PITPNC1: variants seen among roughly 807,000 people sequenced by gnomAD.
PITPNC1 encodes phosphatidylinositol transfer protein cytoplasmic 1.
In PITPNC1, 18 loss-of-function variants were observed where a neutral mutation model predicts 44.7. The ratio of observed to expected loss-of-function variants is 0.40; its 90% CI spans 0.28 to 0.60. The LOEUF is 0.60. PITPNC1 is among the 20% of genes least tolerant of loss of function. The pLI, the probability that PITPNC1 is intolerant of heterozygous loss-of-function variation, is 0.39. For missense variants in PITPNC1, 290 were observed against 418.4 expected, an observed-to-expected ratio of 0.69 and a Z score of 2.68; for synonymous variants, 141 against 149.6, an observed-to-expected ratio of 0.94 and a Z score of 0.42.
chr17:67,627,659 G>A (rs200841446), intron 5 of PITPNC1, among the ~76,000 whole-genome samples: 11 of 152,262 alleles, frequency 7.2e-5, no homozygotes, highest in East Asian at 5.8e-4. Flanking sequence ...TTATCTTAGC[G>A]GTTGGATGCT....
At position 67,435,767 on chromosome 17, in the gene PITPNC1, G is replaced by A. The variant is rs918865220; in HGVS notation, c.48+57565G>A. 2.5e-4 allele frequency among the ~76,000 whole-genome samples: 38 copies of A among 152,060 alleles called. 1 individual carries two copies. The highest frequency in any genetic ancestry group is 1.2e-4 in the Non-Finnish European group (8 of 67,994). ...CTCAGGAGGCTGAGGCAGGAGAATCGCTTGAACCTGGGAGGAGGAGGTTGC... is the reference window on the plus strand; with the variant it reads ...CTCAGGAGGCTGAGGCAGGAGAATCACTTGAACCTGGGAGGAGGAGGTTGC... On this transcript the variant is annotated intron_variant, in intron 1 of 8. Coordinates refer to ENST00000581322, the MANE Select transcript of PITPNC1 (RefSeq NM_012417.4).
intron 2 of PITPNC1, among the ~76,000 whole-genome samples, chr17:67,537,900 A>G (rs1477874042): frequency 6.6e-6 from 1 of 151,832 alleles, no homozygotes; most frequent in Non-Finnish European, 1.5e-5. Flanking sequence ...TGAACCCGCT[A>G]GGTGGTGGTT....
At chr17:67,447,193 T>C (rs1390215002) in intron 1 of PITPNC1, among the ~76,000 whole-genome samples, 1 of 150,572 alleles carries the variant, frequency 6.6e-6, no homozygotes, top group Non-Finnish European at 1.5e-5. Flanking sequence ...AACCTGGAGA[T>C]TCACTCCTTA....
At chr17:67,632,569 CTTT>C in intron 6 of PITPNC1, 10 of 146,292 alleles carry the variant, frequency 6.8e-5, no homozygotes, top group East Asian at 1.7e-4. Flanking sequence ...TACATGCGCT[CTTT>C]TTTTTTTTTT....
intron 1 of PITPNC1, chr17:67,471,535 T>C: frequency 2.7e-6 from 1 of 375,094 alleles, no homozygotes; most frequent in South Asian, 2.0e-5. Flanking sequence ...GCCATTACTT[T>C]CAATGGCAAA....
chr17:67,621,929 C>T (rs2041834868), intron 5 of PITPNC1, among the ~76,000 whole-genome samples: 1 of 152,034 alleles, frequency 6.6e-6, no homozygotes, highest in South Asian at 2.1e-4. Context: ...CGCACCTGGG[C>T]AATGTAGCAA....
intron 4 of PITPNC1, among the ~76,000 whole-genome samples, chr17:67,575,874 C>CCTTTTTTT (rs777390217): frequency 4.3e-4 from 8 of 18,556 alleles, no homozygotes; most frequent in African/African-American, 8.9e-4. Context: ...TTCTTTCTTT[C>CCTTTTTTT]TTTCCTTTTT....
intron 1 of PITPNC1, among the ~76,000 whole-genome samples, chr17:67,414,288 C>T (rs2038553644): frequency 6.6e-6 from 1 of 152,156 alleles, no homozygotes; most frequent in African/African-American, 2.4e-5. Flanking sequence ...AACCTGGAAA[C>T]AATCCAGATG....
chr17:67,450,230 G>A (rs2949946), intron 1 of PITPNC1, among the ~76,000 whole-genome samples: 83,498 of 151,978 alleles, frequency 0.55, 23,659 homozygotes, highest in Non-Finnish European at 0.61. Context: ...ACAATGGGCT[G>A]TGTGAATGCA....
At chr17:67,398,410 A>G (rs1167795723) in intron 1 of PITPNC1, among the ~76,000 whole-genome samples, 3 of 152,022 alleles carry the variant, frequency 2.0e-5, no homozygotes, top group Non-Finnish European at 4.4e-5. Context: ...AGAAGTGGTA[A>G]TCGGTTGGCA....
intron 1 of PITPNC1, among the ~76,000 whole-genome samples, chr17:67,439,895 AAAAC>A (rs201479890): frequency 0.011 from 1,736 of 152,310 alleles, 33 homozygotes; most frequent in African/African-American, 0.037. Flanking sequence ...AAGATAAAGA[AAAAC>A]AAACAAACAA....
chr17:67,448,672 C>T (rs2039134646), intron 1 of PITPNC1, among the ~76,000 whole-genome samples: 1 of 152,194 alleles, frequency 6.6e-6, no homozygotes, highest in African/African-American at 2.4e-5. Flanking sequence ...CCTGTGGGCT[C>T]TTATCTTCTG....
chr17:67,512,523 A>C (rs925254586), intron 1 of PITPNC1, among the ~76,000 whole-genome samples: 1 of 151,266 alleles, frequency 6.6e-6, no homozygotes, highest in Non-Finnish European at 1.5e-5. Context: ...AAAAAAAAAA[A>C]CAGCTGGACT....
At chr17:67,682,165 C>T (rs1175952210) in intron 8 of PITPNC1, among the ~76,000 whole-genome samples, 5 of 152,102 alleles carry the variant, frequency 3.3e-5, no homozygotes. Context: ...GGCGCCACTG[C>T]ACTCCAGCCT....
chr17:67,472,837 G>T (rs1455475982), intron 1 of PITPNC1, among the ~76,000 whole-genome samples: 1 of 151,948 alleles, frequency 6.6e-6, no homozygotes, highest in Non-Finnish European at 1.5e-5. Flanking sequence ...GGGTTTCAAA[G>T]AATTTGTGGA....
Position 67,532,935 on chromosome 17 carries a change from G to A in PITPNC1, c.182G>A (p.Arg61Gln), listed in dbSNP as rs1273181315. 5 of 1,609,956 alleles carry A rather than the reference G, an allele frequency of 3.1e-6. No individual in the cohort carries two copies. Among genetic ancestry groups the A allele is most frequent in the Middle Eastern group, 3.8e-4 (2 of 5,240 alleles). The change falls in exon 2 of 9, where the codon CGG becomes CAG. Residue 61 changes from arginine to glutamine, a missense_variant. Coordinates refer to ENST00000581322, the MANE Select transcript of PITPNC1 (RefSeq NM_012417.4). ...HHGNGQFTEKRVYLNSKLPSW... is the reference protein window; with the variant it reads ...HHGNGQFTEKQVYLNSKLPSW... ...GGCAATGGGCAGTTCACCGAGAAGC[G>A]GGTGTATCTCAACAGGTGAGTCATG...
chr17:67,491,291 G>A (rs958346637), intron 1 of PITPNC1, among the ~76,000 whole-genome samples: 5 of 152,238 alleles, frequency 3.3e-5, no homozygotes, highest in East Asian at 1.9e-4. Context: ...ACTGAGGACC[G>A]TGCGTGATGT....
chr17:67,534,684 G>A (rs1194948977), intron 2 of PITPNC1, among the ~76,000 whole-genome samples: 6 of 152,094 alleles, frequency 3.9e-5, no homozygotes, highest in African/African-American at 1.4e-4. Flanking sequence ...AGAAAAAAAA[G>A]AAATATATTT....
At chr17:67,466,198 G>C (rs1163331621) in intron 1 of PITPNC1, among the ~76,000 whole-genome samples, 1 of 79,732 alleles carries the variant, frequency 1.3e-5, no homozygotes, top group South Asian at 4.9e-4. Context: ...ATGGTGGGGT[G>C]GGGGGGTGGG....
Sources: allele counts gnomAD v4.1 joint callset (sites outside exome capture counted in the v4.1 genomes callset), GRCh38; gene constraint gnomAD v4.1.1; transcripts MANE v1.5; gene names NCBI Gene and HGNC (gene_info 2026-07-23, HGNC 2026-07-21).